Variants in PFAS observed in about 807,000 individuals in gnomAD.
PFAS encodes the protein phosphoribosylformylglycinamidine synthase, also known as FGAM synthase.
In PFAS, 97 loss-of-function variants were observed where a neutral mutation model predicts 140.6. That is an observed-to-expected ratio of 0.69 (90% CI 0.59 to 0.82). The LOEUF is 0.82. Among genes scored for constraint, PFAS ranks in the 40% least tolerant of loss-of-function variants. PFAS has a pLI of 0.00. For missense variants in PFAS, 1,656 were observed against 1,780.2 expected (o/e 0.93, Z 1.26); for synonymous variants, 679 against 718.8 (o/e 0.94, Z 0.88).
intron 1 of PFAS, among the ~76,000 whole-genome samples, chr17:8,252,467 G>A (rs932834566): frequency 1.1e-4 from 16 of 150,856 alleles, no homozygotes; most frequent in East Asian, 2.0e-4. Flanking sequence ...GCAATGGCTC[G>A]ATCTCAGCTC....
At position 8,267,218 on chromosome 17, in the gene PFAS, C is replaced by T; in HGVS notation, c.3158C>T (p.Ser1053Phe). Residue 1053 changes from serine (S) to phenylalanine (F), a missense_variant, in exon 24 of 28, where the codon TCC becomes TTC. Ser to Phe is a radical substitution (Grantham distance 155). Around this residue, in one of 2 missense-constraint regions of PFAS, gnomAD observed 883 missense variants for 1,023.0 expected, o/e 0.86. Transcript: ENST00000314666. The surrounding 1 kb of genome is among the most constrained non-coding windows in gnomAD (Gnocchi z 4.9). ...YCLPPTFPKASVPREPGGPSP... is the reference protein window; with the variant it reads ...YCLPPTFPKAFVPREPGGPSP... The stretch of plus-strand genomic sequence containing the variant: ...CTGCCCCCCACCTTTCCCAAAGCCT[C>T]CGTGCCCCGTGAGCCTGGTGAGGGA... 6.2e-7 allele frequency: 1 copy of T among 1,608,228 alleles called. No homozygotes were observed. Among genetic ancestry groups the T allele is most frequent in the Non-Finnish European group, 8.5e-7 (1 of 1,177,534 alleles).
At chr17:8,268,368 A>G (rs551628591) in intron 26 of PFAS, among the ~76,000 whole-genome samples, 165 bp from the exon 27 acceptor site, 8 of 144,130 alleles carry the variant, frequency 5.6e-5, no homozygotes, top group Non-Finnish European at 1.1e-4. Flanking sequence ...ATGAGATTCC[A>G]TCTCAAAAAA....
intron 1 of PFAS, among the ~76,000 whole-genome samples, chr17:8,252,031 C>T (rs962020925): frequency 6.6e-6 from 1 of 151,754 alleles, no homozygotes; most frequent in East Asian, 2.0e-4. Context: ...TGGTGGCGCA[C>T]GCCTGTAATC....
Position 8,266,138 on chromosome 17 carries a change from T to G in PFAS, c.2702-96T>G. ...CGATGTACCCCAGATCCCCTGACATTCTGACACACACTCTTGATGGACTGA... is the reference window on the plus strand; with the variant it reads ...CGATGTACCCCAGATCCCCTGACATGCTGACACACACTCTTGATGGACTGA... On this transcript the variant is annotated intron_variant, in intron 21 of 27. Coordinates refer to ENST00000314666, the MANE Select transcript of PFAS (RefSeq NM_012393.3). The surrounding 1 kb of genome is among the most constrained non-coding windows in gnomAD (Gnocchi z 5.0). 3 of 1,562,982 alleles carry G rather than the reference T, an allele frequency of 1.9e-6. No individual in the cohort carries two copies. The highest frequency in any genetic ancestry group is 2.6e-6 in the Non-Finnish European group (3 of 1,148,278).
At chr17:8,265,489 G>A (rs1989777163) in intron 19 of PFAS, 21 bp downstream of exon 19, 2 of 1,613,040 alleles carry the variant, frequency 1.2e-6, no homozygotes, top group Non-Finnish European at 8.5e-7. Context: ...GGAGCCCCAG[G>A]GAGGGGAGGA....
chr17:8,263,232 T>G lies in PFAS; in HGVS notation c.1534T>G (p.Cys512Gly). ...GGAGGCCCCCAAGGGAAACCCCATC[T>G]GCAGCCTTCATGATCAGGGCGCTGG... ...CVEAPKGNPI[C>G]SLHDQGAGGN... Residue 512 changes from cysteine (C) to glycine (G), a missense_variant, in exon 13 of 28, where the codon TGC becomes GGC. Cys to Gly is a radical substitution (Grantham distance 159). This residue lies in a region of PFAS where 773 missense variants were observed against 757.3 expected (regional missense o/e 1.02). Transcript: ENST00000314666. 1 of 1,614,188 alleles carries G rather than the reference T, an allele frequency of 6.2e-7. No individual in the cohort carries two copies. Among genetic ancestry groups the G allele is most frequent in the Non-Finnish European group, 8.5e-7 (1 of 1,180,042 alleles).
Position 8,268,635 on chromosome 17 carries a change from A to T in PFAS, c.3485A>T (p.Gln1162Leu), listed in dbSNP as rs1989922532. The T allele has an allele frequency of 1.2e-6, 2 of 1,613,676 alleles. No homozygotes were observed. Among genetic ancestry groups the T allele is most frequent in the Non-Finnish European group, 1.7e-6 (2 of 1,180,000 alleles). Residue 1162 changes from glutamine (Q) to leucine (L), a missense_variant, in exon 27 of 28, where the codon CAA becomes CTA. Physicochemically the swap from Gln to Leu is moderately radical, Grantham distance 113 (BLOSUM62 -2). Around this residue, in one of 2 missense-constraint regions of PFAS, gnomAD observed 883 missense variants for 1,023.0 expected, o/e 0.86. Transcript: ENST00000314666. ...TFSLGVCNGC[Q>L]LLALLGWVGG... ...AGCCTGGGCGTGTGTAATGGCTGTC[A>T]ACTGCTGGCTCTGCTCGGCTGGGTG...
chr17:8,263,994 A>T (rs1348697536), intron 15 of PFAS, 58 bp downstream of exon 15: 4 of 1,581,214 alleles, frequency 2.5e-6, no homozygotes, highest in Non-Finnish European at 1.7e-6. Context: ...CCACCTGGGT[A>T]TGGGCTAGAG....
rs760899476 is a variant in PFAS at position 8,263,923 on chromosome 17, C to T, written c.1778C>T (p.Thr593Ile). 1.4e-5 allele frequency: 23 copies of T among 1,612,860 alleles called. No individual in the cohort carries two copies. The highest frequency in any genetic ancestry group is 1.9e-5 in the Non-Finnish European group (22 of 1,179,926). Residue 593 changes from threonine to isoleucine, a missense_variant, in exon 15 of 28, where the codon ACT (threonine) becomes ATT (isoleucine). Around this residue, in one of 2 missense-constraint regions of PFAS, gnomAD observed 883 missense variants for 1,023.0 expected, o/e 0.86. Transcript: ENST00000314666. ...RCPACFVGTI[T>I]GDRRIVLVDD... Reference sequence around the variant, plus strand: ...CCGGCTTGCTTCGTGGGCACCATCACTGGAGACCGGAGAGTGAGTTGGCCC... The same window carrying T: ...CCGGCTTGCTTCGTGGGCACCATCATTGGAGACCGGAGAGTGAGTTGGCCC...
At chr17:8,252,219 A>G (rs1229120840) in intron 1 of PFAS, among the ~76,000 whole-genome samples, 2 of 151,246 alleles carry the variant, frequency 1.3e-5, no homozygotes, top group Middle Eastern at 3.2e-3. Flanking sequence ...GCTTGAACCC[A>G]GGTGGCAGAA....
chr17:8,262,820 T>A, intron 11 of PFAS, 100 bp from the exon 12 acceptor site: 1 of 900,850 alleles, frequency 1.1e-6, no homozygotes, highest in East Asian at 2.4e-5. Flanking sequence ...TGGTCAGGCT[T>A]CTCCCTAACA....
At chr17:8,249,447 G>C (rs1989045123) in intron 1 of PFAS, 108 bp downstream of exon 1, 1 of 152,292 alleles carries the variant, frequency 6.6e-6, no homozygotes, top group African/African-American at 2.4e-5. Flanking sequence ...GGGCCGAGCT[G>C]TGTCTACTTG....
At chr17:8,260,155 A>G (rs1012691070) in intron 11 of PFAS, among the ~76,000 whole-genome samples, 2 of 151,596 alleles carry the variant, frequency 1.3e-5, no homozygotes, top group African/African-American at 2.4e-5. Flanking sequence ...AGTAATAGTC[A>G]TTTATTGTCA....
rs754220902 is a variant in PFAS at position 8,263,273 on chromosome 17, A to C, written c.1567+8A>C. On this transcript the variant is annotated splice_region_variant and intron_variant, in intron 13 of 27. Transcript: ENST00000314666. ...AGGGCGCTGGTGGCAATGGTGAGGA[A>C]AGGAGTTGGAACAAGAGACTGGGCC... is the stretch of plus-strand genomic sequence containing the variant. The C allele has an allele frequency of 1.2e-6, 2 of 1,613,938 alleles. No individual in the cohort carries two copies. The highest frequency in any genetic ancestry group is 2.2e-5 in the South Asian group (2 of 91,086).
At position 8,267,613 on chromosome 17, in the gene PFAS, C is replaced by T. The variant is rs369251366; in HGVS notation, c.3330C>T (p.Gly1110=). The change falls in exon 26 of 28, where the codon GGC becomes GGT. Residue 1110 remains glycine, a synonymous_variant. Transcript: ENST00000314666. The surrounding 1 kb of genome is among the most constrained non-coding windows in gnomAD (Gnocchi z 4.9). ...CAATTGGGCTGGACACTTTCCGTGG[C>T]GTGGCCTTCGTGGGCGGCTTCAGCT... is the stretch of plus-strand genomic sequence containing the variant. ...SGAIGLDTFR[G]VAFVGGFSYA... 32 of 1,612,824 alleles carry T rather than the reference C, an allele frequency of 2.0e-5. No individual in the cohort carries two copies. The highest frequency in any genetic ancestry group is 1.8e-4 in the South Asian group (16 of 91,054).
At chr17:8,247,860 G>A (rs12946837), upstream of PFAS, 41,186 of 747,678 alleles carry the variant, frequency 0.055, 1,490 homozygotes, top group Non-Finnish European at 0.072. Flanking sequence ...GTAAGAGGTA[G>A]GAGCGGACCG....
chr17:8,265,969 C>T lies in PFAS; in HGVS notation c.2653C>T (p.Pro885Ser). ...GGAACACCCTCCAGACCTGGACCTT[C>T]CTGAGAACTTGGTGCGGGCCTTCAG... Reference protein sequence around the residue: ...LGEHPPDLDLPENLVRAFSIT... With the variant: ...LGEHPPDLDLSENLVRAFSIT... The change falls in exon 21 of 28, where the codon CCT becomes TCT. Residue 885 changes from proline (P) to serine (S), a missense_variant. Transcript: ENST00000314666. The T allele has an allele frequency of 6.2e-7, 1 of 1,613,676 alleles. No individual in the cohort carries two copies. The highest frequency in any genetic ancestry group is 8.5e-7 in the Non-Finnish European group (1 of 1,179,738).
In PFAS at chr17:8,253,748, G is replaced by A. The variant is rs191716150; in HGVS notation, c.-79-111G>A. The A allele has an allele frequency of 2.9e-3, 1,850 of 638,640 alleles. 12 individuals carry two copies. Among genetic ancestry groups the A allele is most frequent in the Non-Finnish European group, 3.7e-3 (1,527 of 408,478 alleles). The allele number at this position is 638,640 out of a possible 1,614,324, so 39.6% of individuals were successfully genotyped here. A position where few individuals can be genotyped will look rare whatever the true frequency, so the allele number is the denominator to read the frequency against. On this transcript the variant is annotated intron_variant, in intron 1 of 27. Transcript: ENST00000314666. ...GAGACAGGGTTTCACTATGTTGGCC[G>A]GGCTGATCTCCAACTCCTGACCTCA...
upstream of PFAS, chr17:8,247,712 GA>G (rs1988872501): frequency 2.5e-6 from 1 of 400,796 alleles, no homozygotes; most frequent in Non-Finnish European, 4.6e-6. Context: ...TCTTCTCCAG[GA>G]ACCCACAGCC....
Sources: allele counts gnomAD v4.1 joint callset (sites outside exome capture counted in the v4.1 genomes callset), GRCh38; gene constraint gnomAD v4.1.1; regional missense constraint gnomAD v4.1.1; non-coding constraint Gnocchi (gnomAD v3.1); transcripts MANE v1.5; gene names NCBI Gene and HGNC (gene_info 2026-07-23, HGNC 2026-07-21).